The following USP6NL variants were observed in gnomAD, a reference collection of about 807,000 sequenced individuals.
USP6NL encodes the protein USP6 N-terminal-like protein.
Under a neutral mutation model 61.9 loss-of-function variants are expected in USP6NL, and 26 were observed. The ratio of observed to expected loss-of-function variants is 0.42; its 90% CI spans 0.31 to 0.58. The LOEUF is 0.58. Among genes scored for constraint, USP6NL ranks in the 20% least tolerant of loss-of-function variants. USP6NL has a pLI of 0.16. For synonymous variants in USP6NL, 432 were observed against 390.1 expected, an observed-to-expected ratio of 1.11 and a Z score of -1.27; for missense variants, 1,114 against 1,034.3, an observed-to-expected ratio of 1.08 and a Z score of -1.06.
At position 11,491,218 on chromosome 10, in the gene USP6NL, T is replaced by A. The variant is rs191258580; in HGVS notation, c.495-338A>T. Among the ~76,000 whole-genome samples the A allele has an allele frequency of 0.017, 2,583 of 152,248 alleles. 32 individuals carry two copies. The highest frequency in any genetic ancestry group is 0.047 in the East Asian group (244 of 5,176). ...AATGGTGGAATGGCCTTTTGAAGGCTCAGTGACATTGCCAGCAAGGTACAA... is the reference window on the plus strand; with the variant it reads ...AATGGTGGAATGGCCTTTTGAAGGCACAGTGACATTGCCAGCAAGGTACAA... On this transcript the variant is annotated intron_variant, in intron 8 of 14. Transcript: ENST00000609104. This position sits in a 1 kb window ranked among gnomAD's most constrained non-coding sequence, Gnocchi z 4.7.
intron 6 of USP6NL, among the ~76,000 whole-genome samples, chr10:11,506,171 TA>T (rs71511387): frequency 6.6e-5 from 10 of 151,204 alleles, no homozygotes; most frequent in South Asian, 2.1e-4. Flanking sequence ...TCCAGTCAGT[TA>T]AAAAAAAATG....
chr10:11,491,134 T>G lies in USP6NL; in HGVS notation c.495-254A>C, dbSNP rs2133263695. 6.6e-6 allele frequency among the ~76,000 whole-genome samples: 1 copy of G among 152,334 alleles called. No homozygotes were observed. The highest frequency in any genetic ancestry group is 3.4e-3 in the Middle Eastern group (1 of 294). On this transcript the variant is annotated intron_variant, in intron 8 of 14. Transcript: ENST00000609104. The surrounding 1 kb of genome is among the most constrained non-coding windows in gnomAD (Gnocchi z 4.7). The stretch of plus-strand genomic sequence containing the variant: ...TTCAAAATTCCTAAAATTTGTTGCC[T>G]TCTTTTGCTGATCTATCTCACTTTG...
At chr10:11,539,459 A>T (rs1037528764) in intron 2 of USP6NL, among the ~76,000 whole-genome samples, 1 of 152,256 alleles carries the variant, frequency 6.6e-6, no homozygotes, top group Non-Finnish European at 1.5e-5. Context: ...TAACTCCTAC[A>T]TTTATGTGTA....
At chr10:11,521,483 C>T (rs11257149) in intron 4 of USP6NL, among the ~76,000 whole-genome samples, 48,308 of 151,244 alleles carry the variant, frequency 0.32, 8,275 homozygotes, top group East Asian at 0.67. Flanking sequence ...TGGGTTCAAG[C>T]GATTCTCCTG....
At chr10:11,567,590 A>C (rs1837209729) in intron 2 of USP6NL, among the ~76,000 whole-genome samples, 1 of 152,248 alleles carries the variant, frequency 6.6e-6, no homozygotes, top group South Asian at 2.1e-4. Flanking sequence ...GAAATTAACA[A>C]ACATCACTAT....
At chr10:11,523,055 A>G (rs531644320) in intron 4 of USP6NL, among the ~76,000 whole-genome samples, 2 of 152,236 alleles carry the variant, frequency 1.3e-5, no homozygotes, top group Non-Finnish European at 2.9e-5. Flanking sequence ...CCATGTAAAG[A>G]GCACAGAACA....
intron 2 of USP6NL, chr10:11,573,519 C>T (rs1837434439): frequency 2.5e-6 from 1 of 397,432 alleles, no homozygotes; most frequent in Admixed American, 4.4e-5. Flanking sequence ...AAACTCAAAA[C>T]CCCTTTTTAT....
In USP6NL at chr10:11,581,319, C is replaced by T. The variant is rs143991069; in HGVS notation, c.4+16312G>A. ...ATTATGCATATTCTTTTGGAACTAA[C>T]GTGTTTTCACACTTTCATATGTGTC... On this transcript the variant is annotated intron_variant, in intron 2 of 14. Coordinates refer to ENST00000609104, the MANE Select transcript of USP6NL (RefSeq NM_014688.5). 8.7e-4 allele frequency among the ~76,000 whole-genome samples: 133 copies of T among 152,318 alleles called. No homozygotes were observed. In the Middle Eastern group the frequency reaches 0.01, roughly 12 times the overall value.
intron 13 of USP6NL, 50 bp downstream of exon 13, chr10:11,484,921 A>G: frequency 3.5e-6 from 5 of 1,411,228 alleles, no homozygotes; most frequent in Non-Finnish European, 4.7e-6. Context: ...ATCAAGGTTA[A>G]ATAAGCCTCA....
chr10:11,568,456 T>A (rs1237830432), intron 2 of USP6NL, among the ~76,000 whole-genome samples: 1 of 152,208 alleles, frequency 6.6e-6, no homozygotes, highest in African/African-American at 2.4e-5. Context: ...CACATTCTAA[T>A]GGCCATATCC....
In USP6NL at chr10:11,592,269, GT is replaced by G. The variant is rs1838179982; in HGVS notation, c.4+5361del. Among the ~76,000 whole-genome samples the G allele has an allele frequency of 6.6e-6, 1 of 152,136 alleles. No individual in the cohort carries two copies. The highest frequency in any genetic ancestry group is 1.5e-5 in the Non-Finnish European group (1 of 68,036). ...TTTAAATAGTGTTAATAACAACGAAGTACACTAAACTAAGAAAGTAATCACA... is the reference window on the plus strand; with the variant it reads ...TTTAAATAGTGTTAATAACAACGAAGACACTAAACTAAGAAAGTAATCACA... On this transcript the variant is annotated intron_variant, in intron 2 of 14. Coordinates refer to ENST00000609104, the MANE Select transcript of USP6NL (RefSeq NM_014688.5). This position sits in a 1 kb window ranked among gnomAD's most constrained non-coding sequence, Gnocchi z 4.7.
chr10:11,475,909 C>T (rs1024019164), intron 14 of USP6NL, among the ~76,000 whole-genome samples: 3 of 152,128 alleles, frequency 2.0e-5, no homozygotes, highest in Admixed American at 6.5e-5. Flanking sequence ...CCTGTCTAAT[C>T]TAAATCTTAT....
intron 1 of USP6NL, among the ~76,000 whole-genome samples, chr10:11,603,080 A>G (rs543606436): frequency 6.6e-6 from 1 of 152,340 alleles, no homozygotes; most frequent in Admixed American, 6.5e-5. Flanking sequence ...CACTAAATCA[A>G]CAAAGTACTT....
Position 11,528,862 on chromosome 10 carries a change from T to C in USP6NL, c.5-1295A>G, listed in dbSNP as rs1342195162. 3.3e-5 allele frequency among the ~76,000 whole-genome samples: 5 copies of C among 151,998 alleles called. No individual in the cohort carries two copies. The highest frequency in any genetic ancestry group is 4.8e-5 in the African/African-American group (2 of 41,362). ...GTAAAGGAAGTCAAATCCCTGAAAG[T>C]TGAAGGGACATGCATGTGTGTAGCA... On this transcript the variant is annotated intron_variant, in intron 2 of 14. Transcript: ENST00000609104. The surrounding 1 kb of genome is among the most constrained non-coding windows in gnomAD (Gnocchi z 4.6).
rs115183653 is a variant in USP6NL at position 11,597,582 on chromosome 10, C to T, written c.4+49G>A. The T allele has an allele frequency of 2.7e-3, 4,139 of 1,542,914 alleles. 58 individuals are homozygous for T. The African/African-American group carries it at 0.038, about 14-fold the overall frequency. On this transcript the variant is annotated intron_variant, in intron 2 of 14. Transcript: ENST00000609104. The surrounding 1 kb of genome is among the most constrained non-coding windows in gnomAD (Gnocchi z 4.6). The stretch of plus-strand genomic sequence containing the variant: ...TGTTTTTCTTCTCCTAAGCACAATA[C>T]AGCAAACGCTCCTGAGATGGCTGGA...
Position 11,525,570 on chromosome 10 carries a change from C to T in USP6NL, c.73-102G>A, listed in dbSNP as rs1835381964. 1 of 1,036,262 alleles carries T rather than the reference C, an allele frequency of 9.7e-7. No individual in the cohort carries two copies. The highest frequency in any genetic ancestry group is 1.3e-6 in the Non-Finnish European group (1 of 746,112). 64.2% of individuals were successfully genotyped at this position (1,036,262 alleles called of 1,614,324 possible). On this transcript the variant is annotated intron_variant, in intron 3 of 14. Transcript: ENST00000609104. This position sits in a 1 kb window ranked among gnomAD's most constrained non-coding sequence, Gnocchi z 5.0. ...AATAAGAGCTATTTTTAATGTATTACTAAAAATAAGAGCTGGAAGTGAGGC... is the reference window on the plus strand; with the variant it reads ...AATAAGAGCTATTTTTAATGTATTATTAAAAATAAGAGCTGGAAGTGAGGC...
intron 7 of USP6NL, among the ~76,000 whole-genome samples, chr10:11,497,929 G>A (rs1265862836): frequency 6.6e-6 from 1 of 151,992 alleles, no homozygotes; most frequent in African/African-American, 2.4e-5. Context: ...ACAGTGGAAA[G>A]CATTTAGATA....
Position 11,575,917 on chromosome 10 carries a change from C to T in USP6NL, c.4+21714G>A, listed in dbSNP as rs187771383. Among the ~76,000 whole-genome samples, 7 of 152,144 alleles carry T rather than the reference C, an allele frequency of 4.6e-5. No homozygotes were observed. Among genetic ancestry groups the T allele is most frequent in the African/African-American group, 1.2e-4 (5 of 41,490 alleles). ...AGGCCAAAAAGGGTGAGGGGAAATA[C>T]GGGACATTTTGGGAGAAGAGGTGAA... On this transcript the variant is annotated intron_variant, in intron 2 of 14. Coordinates refer to ENST00000609104, the MANE Select transcript of USP6NL (RefSeq NM_014688.5). This position sits in a 1 kb window ranked among gnomAD's most constrained non-coding sequence, Gnocchi z 4.2.
In USP6NL at chr10:11,499,643, A is replaced by C. The variant is rs982280029; in HGVS notation, c.384+1458T>G. Among the ~76,000 whole-genome samples, 3 of 152,292 alleles carry C rather than the reference A, an allele frequency of 2.0e-5. No homozygotes were observed. The highest frequency in any genetic ancestry group is 4.4e-5 in the Non-Finnish European group (3 of 68,024). ...CAGGAGGGAGGATAGCCAGGTGATA[A>C]GGAAGACAGGGATGGAGCGATGCCA... On this transcript the variant is annotated intron_variant, in intron 7 of 14. Coordinates refer to ENST00000609104, the MANE Select transcript of USP6NL (RefSeq NM_014688.5). This position sits in a 1 kb window ranked among gnomAD's most constrained non-coding sequence, Gnocchi z 4.5.
Sources: allele counts gnomAD v4.1 joint callset (sites outside exome capture counted in the v4.1 genomes callset), GRCh38; gene constraint gnomAD v4.1.1; non-coding constraint Gnocchi (gnomAD v3.1); transcripts MANE v1.5; gene names NCBI Gene and HGNC (gene_info 2026-07-23, HGNC 2026-07-21).